ANK2: variants seen among roughly 807,000 people sequenced by gnomAD.
The protein encoded by ANK2 is ankyrin 2, also known as ankyrin-2.
Under a neutral mutation model 360.5 loss-of-function variants are expected in ANK2, and 83 were observed. That is an observed-to-expected ratio of 0.23 (90% CI 0.19 to 0.28). The LOEUF (loss-of-function observed/expected upper bound fraction) is 0.28, where lower values mean the gene tolerates loss of function less well. ANK2 is among the 10% of genes least tolerant of loss of function. The pLI is 1.00. For missense variants in ANK2, 4,201 were observed against 4,795.7 expected, an observed-to-expected ratio of 0.88 and a Z score of 3.66; for synonymous variants, 1,740 against 1,759.5, an observed-to-expected ratio of 0.99 and a Z score of 0.28.
intron 4 of ANK2, among the ~76,000 whole-genome samples, chr4:113,224,388 G>A (rs995367287): frequency 6.6e-6 from 1 of 152,114 alleles, no homozygotes; most frequent in African/African-American, 2.4e-5. Flanking sequence ...CACTTATGTC[G>A]AGGCCTGAAA....
chr4:113,137,740 T>C (rs912166018), intron 1 of ANK2, among the ~76,000 whole-genome samples: 3 of 152,196 alleles, frequency 2.0e-5, no homozygotes, highest in Non-Finnish European at 4.4e-5. Flanking sequence ...CTGTAAAGAT[T>C]AAACACATAT....
At chr4:113,013,461 T>C (rs1333349835) in intron 2 of ANK2, among the ~76,000 whole-genome samples, 1 of 152,210 alleles carries the variant, frequency 6.6e-6, no homozygotes, top group Non-Finnish European at 1.5e-5. Context: ...TTTCTCAAAA[T>C]GATAATAGCT....
In ANK2 at chr4:113,272,135, A is replaced by G. The variant is rs560865083; in HGVS notation, c.1486-2317A>G. The stretch of plus-strand genomic sequence containing the variant: ...GAACCCTGTTAGCTAGTAACTAGTA[A>G]TAGAAATTTTATCAAATCTTTGAAC... On this transcript the variant is annotated intron_variant, in intron 14 of 45. Coordinates refer to ENST00000357077, the MANE Select transcript of ANK2 (RefSeq NM_001148.6). Among the ~76,000 whole-genome samples, 10 of 152,346 alleles carry G rather than the reference A, an allele frequency of 6.6e-5. No homozygotes were observed. In the South Asian group the frequency reaches 1.9e-3, roughly 28 times the overall value.
At position 113,330,506 on chromosome 4, in the gene ANK2, G is replaced by C. The variant is rs541684593; in HGVS notation, c.3125+36G>C. 5 of 1,599,946 alleles carry C rather than the reference G, an allele frequency of 3.1e-6. No individual in the cohort carries two copies. The East Asian group carries it at 8.9e-5, about 29-fold the overall frequency. Reference sequence around the variant, plus strand: ...CTGATAAACCTCCCACTTAGTCATCGATGAGCTTGTGTCCTCTACATGAAA... The same window carrying C: ...CTGATAAACCTCCCACTTAGTCATCCATGAGCTTGTGTCCTCTACATGAAA... On this transcript the variant is annotated intron_variant, in intron 27 of 45. Transcript: ENST00000357077.
chr4:112,863,848 G>T (rs76559001), intron 1 of ANK2, among the ~76,000 whole-genome samples: 1,864 of 152,094 alleles, frequency 0.012, 22 homozygotes, highest in South Asian at 0.021. Flanking sequence ...TTATTTTTTT[G>T]ATGTAGTGAT....
chr4:113,254,093 C>T (rs1232732335), intron 10 of ANK2, among the ~76,000 whole-genome samples: 2 of 152,176 alleles, frequency 1.3e-5, no homozygotes, highest in African/African-American at 2.4e-5. Context: ...ACTTCCTTCA[C>T]GTCAAAACTC....
chr4:112,791,889 A>G, the ANK2 span, among the ~76,000 whole-genome samples: 3 of 152,140 alleles, frequency 2.0e-5, no homozygotes, highest in African/African-American at 4.8e-5. Flanking sequence ...TATGAGTAAC[A>G]GAAATAAAGG....
rs2097173098 is a variant in ANK2, at chr4:113,381,545, G to A, written c.*74G>A. The A allele has an allele frequency of 4.3e-6, 7 of 1,613,116 alleles. No individual in the cohort carries two copies. Among genetic ancestry groups the A allele is most frequent in the Middle Eastern group, 1.7e-4 (1 of 6,058 alleles). On this transcript the variant is annotated 3_prime_UTR_variant, in exon 46 of 46. Coordinates refer to ENST00000357077, the MANE Select transcript of ANK2 (RefSeq NM_001148.6). ...CATTGACTTGGAGCACCTGGAGGATGTACCAGAAGCACTAGACCAGGACGA... is the reference window on the plus strand; with the variant it reads ...CATTGACTTGGAGCACCTGGAGGATATACCAGAAGCACTAGACCAGGACGA...
At chr4:113,324,422 G>A (rs1487750080) in intron 26 of ANK2, among the ~76,000 whole-genome samples, 1 of 152,060 alleles carries the variant, frequency 6.6e-6, no homozygotes, top group East Asian at 1.9e-4. Context: ...GCTAATTATA[G>A]TATTTTTATT....
At chr4:113,296,930 A>G (rs2071899433) in intron 22 of ANK2, among the ~76,000 whole-genome samples, 1 of 152,226 alleles carries the variant, frequency 6.6e-6, no homozygotes, top group South Asian at 2.1e-4. Flanking sequence ...TGGTATGCAG[A>G]CCATAAATTA....
At chr4:113,160,447 T>A (rs1020917943) in intron 1 of ANK2, 1 of 267,030 alleles carries the variant, frequency 3.7e-6, no homozygotes, top group Non-Finnish European at 7.5e-6. Flanking sequence ...TAAATTTTGC[T>A]AATCAAGGTT....
Position 113,344,991 on chromosome 4 carries a change from A to G in ANK2, c.4249-909A>G, listed in dbSNP as rs74382265. On this transcript the variant is annotated intron_variant, in intron 34 of 45. Transcript: ENST00000357077. ...TTAACAAGTTCTAAAGATGGAAGGT[A>G]GTGATGATTATACAACAATGTGAAT... 3.5e-4 allele frequency among the ~76,000 whole-genome samples: 53 copies of G among 152,310 alleles called. No individual in the cohort carries two copies. In the East Asian group the frequency reaches 9.4e-3, roughly 27 times the overall value.
At chr4:113,241,701 C>T (rs1373151484) in intron 8 of ANK2, among the ~76,000 whole-genome samples, 2 of 152,078 alleles carry the variant, frequency 1.3e-5, no homozygotes, top group East Asian at 3.9e-4. Context: ...TATTTGTATT[C>T]TGTTTTTAAG....
At chr4:113,310,336 C>G (rs1172716573) in intron 23 of ANK2, among the ~76,000 whole-genome samples, 1 of 151,960 alleles carries the variant, frequency 6.6e-6, no homozygotes, top group African/African-American at 2.4e-5. Context: ...GATGCTCGAA[C>G]CTAAGTAGTA....
At chr4:113,000,615 T>C (rs2050253320) in intron 2 of ANK2, among the ~76,000 whole-genome samples, 2 of 152,094 alleles carry the variant, frequency 1.3e-5, no homozygotes, top group African/African-American at 2.4e-5. Context: ...TGACATAGAA[T>C]GATATGAAAA....
At chr4:113,038,632 C>T (rs2154310792) in intron 2 of ANK2, among the ~76,000 whole-genome samples, 1 of 152,092 alleles carries the variant, frequency 6.6e-6, no homozygotes, top group South Asian at 2.1e-4. Context: ...GATTTCTTCA[C>T]CCCTTGAATC....
intron 23 of ANK2, among the ~76,000 whole-genome samples, 162 bp downstream of exon 23, chr4:113,303,001 G>A (rs2075692242): frequency 6.6e-6 from 1 of 152,140 alleles, no homozygotes; most frequent in Non-Finnish European, 1.5e-5. Flanking sequence ...TGCCATGGCA[G>A]CGGGGGCCGG....
chr4:112,940,919 A>T (rs1054722000), intron 2 of ANK2, among the ~76,000 whole-genome samples: 8 of 152,066 alleles, frequency 5.3e-5, no homozygotes, highest in African/African-American at 1.9e-4. Context: ...TAATGCTCAC[A>T]TTTCTATTAA....
At chr4:112,859,559 C>G (rs2067339193) in intron 1 of ANK2, among the ~76,000 whole-genome samples, 1 of 152,198 alleles carries the variant, frequency 6.6e-6, no homozygotes, top group Admixed American at 6.5e-5. Context: ...TGTATCTAAG[C>G]TTTTACCCCT....
Sources: allele counts gnomAD v4.1 joint callset (sites outside exome capture counted in the v4.1 genomes callset), GRCh38; gene constraint gnomAD v4.1.1; transcripts MANE v1.5; gene names NCBI Gene and HGNC (gene_info 2026-07-23, HGNC 2026-07-21).